Variants in VAV2 observed in about 807,000 individuals in gnomAD.
VAV2 encodes the protein vav guanine nucleotide exchange factor 2.
VAV2 carries 67 observed loss-of-function variants against 132.5 expected under a neutral mutation model. The observed-to-expected ratio is 0.51, with a 90% CI of 0.42 to 0.62. The LOEUF (loss-of-function observed/expected upper bound fraction) is 0.62. Ranked by LOEUF, VAV2 falls within the 20% of genes least tolerant of loss-of-function variation. VAV2 has a pLI of 0.00. For missense variants in VAV2, 938 were observed against 1,153.6 expected (o/e 0.81, Z 2.71); for synonymous variants, 492 against 443.5 (o/e 1.11, Z -1.37).
chr9:133,861,117 C>A, intron 3 of VAV2: 1 of 442,338 alleles, frequency 2.3e-6, no homozygotes. Flanking sequence ...ATTTGCTGAT[C>A]TTATTACCTA....
intron 1 of VAV2, among the ~76,000 whole-genome samples, chr9:133,960,735 C>T (rs1451040769): frequency 6.6e-6 from 1 of 152,230 alleles, no homozygotes; most frequent in Non-Finnish European, 1.5e-5. Flanking sequence ...GCTTTGTCTG[C>T]CTGACTCTGT....
At chr9:133,875,008 C>A (rs1049914284) in intron 2 of VAV2, among the ~76,000 whole-genome samples, 2 of 152,148 alleles carry the variant, frequency 1.3e-5, no homozygotes, top group Non-Finnish European at 2.9e-5. Flanking sequence ...CATAGCCAGT[C>A]GGGGCAGAGC....
rs190916211 is a variant in VAV2 at position 133,778,317 on chromosome 9, C to T, written c.1890+445G>A. Reference sequence around the variant, plus strand: ...TGTGCCCACCTGGGGAAGGAGCGAACCTGCCCGCTCACCCCACGATCATGC... The same window carrying T: ...TGTGCCCACCTGGGGAAGGAGCGAATCTGCCCGCTCACCCCACGATCATGC... On this transcript the variant is annotated intron_variant, in intron 22 of 29. Transcript: ENST00000371850. Among the ~76,000 whole-genome samples, 460 of 152,282 alleles carry T rather than the reference C, an allele frequency of 3.0e-3. 1 individual carries two copies. Among genetic ancestry groups the T allele is most frequent in the Middle Eastern group, 0.024 (7 of 294 alleles).
At chr9:133,764,254 G>A in intron 29 of VAV2, 145 bp from the exon 30 acceptor site, 1 of 1,006,508 alleles carries the variant, frequency 9.9e-7, no homozygotes, top group South Asian at 1.5e-5. Context: ...AGGACCTGGT[G>A]GAACCATTGC....
chr9:133,948,449 T>C (rs893908799), intron 1 of VAV2, among the ~76,000 whole-genome samples: 1 of 152,054 alleles, frequency 6.6e-6, no homozygotes, highest in African/African-American at 2.4e-5. Flanking sequence ...ATCAAGGTCT[T>C]CGGGGGCCAG....
rs544642718 is a variant in VAV2, at chr9:133,883,907, A to T, written c.322-22475T>A. Among the ~76,000 whole-genome samples, 13 of 152,298 alleles carry T rather than the reference A, an allele frequency of 8.5e-5. No individual in the cohort carries two copies. The South Asian group carries it at 2.7e-3, about 32-fold the overall frequency. ...TCCCAGCACTTTGGGAGGCTGAGGCAGGCAGATCACAAGGTCAGGAGATCA... is the reference window on the plus strand; with the variant it reads ...TCCCAGCACTTTGGGAGGCTGAGGCTGGCAGATCACAAGGTCAGGAGATCA... On this transcript the variant is annotated intron_variant, in intron 2 of 29. Transcript: ENST00000371850. The surrounding 1 kb of genome is among the most constrained non-coding windows in gnomAD (Gnocchi z 4.2).
At chr9:133,985,226 TTGTG>T (rs59748267) in intron 1 of VAV2, among the ~76,000 whole-genome samples, 34,814 of 136,912 alleles carry the variant, frequency 0.25, 4,466 homozygotes, top group African/African-American at 0.29. Context: ...TCTTGCCTTA[TTGTG>T]TGTGTGTGTG....
intron 1 of VAV2, among the ~76,000 whole-genome samples, chr9:133,965,349 G>A (rs1842109244): frequency 6.6e-6 from 1 of 151,278 alleles, no homozygotes; most frequent in Non-Finnish European, 1.5e-5. Context: ...AATAACAAAA[G>A]TTAGGCAGGC....
intron 2 of VAV2, among the ~76,000 whole-genome samples, chr9:133,864,243 G>C (rs1162986725): frequency 2.6e-5 from 4 of 152,242 alleles, no homozygotes; most frequent in Non-Finnish European, 5.9e-5. Context: ...AGGAATGTGT[G>C]TGTGCTGGGG....
chr9:133,843,416 A>G (rs1836804720), intron 3 of VAV2, among the ~76,000 whole-genome samples: 1 of 152,136 alleles, frequency 6.6e-6, no homozygotes, highest in Admixed American at 6.5e-5. Flanking sequence ...TATACTGTCC[A>G]GGCTGGTCTC....
chr9:133,924,083 T>C (rs1393276050), intron 2 of VAV2, among the ~76,000 whole-genome samples: 1 of 152,142 alleles, frequency 6.6e-6, no homozygotes, highest in African/African-American at 2.4e-5. Flanking sequence ...GGCACATGTA[T>C]ACCTATGTAT....
chr9:133,939,259 T>A, intron 1 of VAV2, 40 bp from the exon 2 acceptor site: 1 of 1,569,306 alleles, frequency 6.4e-7, no homozygotes, highest in South Asian at 1.1e-5. Context: ...GAAAAACTTA[T>A]TAAAACTGTA....
At chr9:133,787,514 G>A (rs1278370676) in intron 15 of VAV2, among the ~76,000 whole-genome samples, 1 of 152,206 alleles carries the variant, frequency 6.6e-6, no homozygotes, top group Non-Finnish European at 1.5e-5. Context: ...ACCCTCAACA[G>A]CTCATCCAGT....
intron 17 of VAV2, 131 bp downstream of exon 17, chr9:133,785,645 G>T: frequency 1.4e-6 from 1 of 725,884 alleles, no homozygotes. Context: ...GGTTGTCTGT[G>T]TCCCTGACGT....
chr9:133,849,497 C>T (rs735520), intron 3 of VAV2, among the ~76,000 whole-genome samples: 13,781 of 152,282 alleles, frequency 0.09, 1,691 homozygotes, highest in African/African-American at 0.28. Flanking sequence ...CTGGACCCTG[C>T]GTCCCAGAGC....
chr9:133,987,591 A>G (rs2132312057), intron 1 of VAV2, among the ~76,000 whole-genome samples: 1 of 152,380 alleles, frequency 6.6e-6, no homozygotes, highest in East Asian at 1.9e-4. Context: ...TGGCAGGCCC[A>G]GGGCCAAGCC....
chr9:133,791,612 G>A (rs560974520), intron 13 of VAV2, among the ~76,000 whole-genome samples, 171 bp downstream of exon 13: 19 of 151,102 alleles, frequency 1.3e-4, no homozygotes, highest in East Asian at 1.2e-3. Flanking sequence ...GCAAGGAAGC[G>A]TGGATGCTGG....
chr9:133,835,748 C>G lies in VAV2; in HGVS notation c.381-1408G>C, dbSNP rs1258029034. ...CGGCAGCCCCGCCCCAACCGGAGGC[C>G]GGGGACCTGTGCTCCTGCGGGAGGG... is the stretch of plus-strand genomic sequence containing the variant. On this transcript the variant is annotated intron_variant, in intron 3 of 29. Transcript: ENST00000371850. Among the ~76,000 whole-genome samples the G allele has an allele frequency of 1.3e-5, 2 of 152,284 alleles. 1 individual carries two copies. The highest frequency in any genetic ancestry group is 4.1e-4 in the South Asian group (2 of 4,830).
chr9:133,794,055 C>T lies in VAV2; in HGVS notation c.1101+1613G>A, dbSNP rs1041812585. 1.4e-4 allele frequency among the ~76,000 whole-genome samples: 21 copies of T among 152,246 alleles called. No individual in the cohort carries two copies. Among genetic ancestry groups the T allele is most frequent in the Middle Eastern group, 6.8e-3 (2 of 294 alleles). On this transcript the variant is annotated intron_variant, in intron 12 of 29. Transcript: ENST00000371850. This position sits in a 1 kb window ranked among gnomAD's most constrained non-coding sequence, Gnocchi z 4.6. ...GAGCTACACTCCTGGGAAACCATCC[C>T]GTCGAGGGGCTCAGAGCCACTCGCC...
Sources: allele counts gnomAD v4.1 joint callset (sites outside exome capture counted in the v4.1 genomes callset), GRCh38; gene constraint gnomAD v4.1.1; non-coding constraint Gnocchi (gnomAD v3.1); transcripts MANE v1.5; gene names NCBI Gene and HGNC (gene_info 2026-07-23, HGNC 2026-07-21).